The following ENTHD1 variants were observed in gnomAD, a reference collection of about 807,000 sequenced individuals.
ENTHD1 encodes ENTH domain-containing protein 1.
Under a neutral mutation model 39.1 loss-of-function variants are expected in ENTHD1, and 23 were observed. That is an observed-to-expected ratio of 0.59 (90% CI 0.42 to 0.83). The LOEUF is 0.83. Ranked by LOEUF, ENTHD1 falls within the 40% of genes least tolerant of loss-of-function variation. The probability of loss-of-function intolerance (pLI) is 0.00; values close to 1 mark genes in which losing one functional copy is unlikely to be tolerated. For synonymous variants in ENTHD1, 230 were observed against 258.2 expected (o/e 0.89, Z 1.05); for missense variants, 624 against 705.4 (o/e 0.88, Z 1.31).
intron 2 of ENTHD1, among the ~76,000 whole-genome samples, chr22:39,876,843 G>T (rs2066294197): frequency 1.3e-5 from 2 of 152,090 alleles, no homozygotes; most frequent in South Asian, 2.1e-4. Flanking sequence ...TTTGCTAAAG[G>T]TATAAAAATA....
chr22:39,831,199 A>G (rs1422089274), intron 4 of ENTHD1, among the ~76,000 whole-genome samples: 1 of 152,308 alleles, frequency 6.6e-6, no homozygotes, highest in East Asian at 1.9e-4. Context: ...TGTGGCTTCT[A>G]AAAGTATTAG....
Position 39,862,002 on chromosome 22 carries a change from A to G in ENTHD1, c.355T>C (p.Tyr119His). 1 of 1,474,348 alleles carries G rather than the reference A, an allele frequency of 6.8e-7. No homozygotes were observed. The highest frequency in any genetic ancestry group is 1.5e-5 in the South Asian group (1 of 65,792). The allele number at this position is 1,474,348 out of a possible 1,614,324, so 91.3% of individuals were successfully genotyped here. Residue 119 changes from tyrosine to histidine, a missense_variant, in exon 3 of 7, where the codon TAT (tyrosine) becomes CAT (histidine). Tyr to His is a moderately conservative substitution (Grantham distance 83). Coordinates refer to ENST00000325157, the MANE Select transcript of ENTHD1 (RefSeq NM_152512.4). ...IDEAGKDQGY[Y>H]IREKSKQVIT... is the part of the protein sequence containing the mutation. Reference sequence around the variant, plus strand: ...ACTTGCTTAGATTTTTCCCGGATATAATAACCTGAAAAATACATTGACTCT... The same window carrying G: ...ACTTGCTTAGATTTTTCCCGGATATGATAACCTGAAAAATACATTGACTCT...
At chr22:39,803,471 A>C (rs1226760576) in intron 5 of ENTHD1, among the ~76,000 whole-genome samples, 1 of 151,978 alleles carries the variant, frequency 6.6e-6, no homozygotes, top group African/African-American at 2.4e-5. Context: ...TGTTTTGTTT[A>C]TTATCTATCT....
chr22:39,806,693 A>G (rs1007807362), intron 5 of ENTHD1, among the ~76,000 whole-genome samples: 14 of 152,160 alleles, frequency 9.2e-5, no homozygotes, highest in African/African-American at 2.9e-4. Context: ...ATAACAGGCA[A>G]GGACAACCCA....
intron 6 of ENTHD1, among the ~76,000 whole-genome samples, chr22:39,747,059 G>A (rs2065110997): frequency 6.6e-6 from 1 of 152,128 alleles, no homozygotes; most frequent in Non-Finnish European, 1.5e-5. Flanking sequence ...GTGCAGTCAT[G>A]ACTCACTGCA....
rs1354128827 is a variant in ENTHD1, at chr22:39,827,859, T to C, written c.712-6746A>G. 4.6e-5 allele frequency among the ~76,000 whole-genome samples: 7 copies of C among 152,328 alleles called. No homozygotes were observed. The East Asian group carries it at 9.6e-4, about 21-fold the overall frequency. On this transcript the variant is annotated intron_variant, in intron 4 of 6. Transcript: ENST00000325157. Reference sequence around the variant, plus strand: ...TGTACAAGGATTATTATTGCAACTTTGCTTTAACAGGCAAAAACATGAAAG... The same window carrying C: ...TGTACAAGGATTATTATTGCAACTTCGCTTTAACAGGCAAAAACATGAAAG...
chr22:39,872,675 T>G (rs1398215784), intron 2 of ENTHD1, among the ~76,000 whole-genome samples: 4 of 152,166 alleles, frequency 2.6e-5, no homozygotes, highest in Non-Finnish European at 1.5e-5. Flanking sequence ...AGCACATCCC[T>G]GAGTGTTGGA....
intron 3 of ENTHD1, among the ~76,000 whole-genome samples, chr22:39,849,725 TTA>T (rs1214961711): frequency 1.3e-5 from 2 of 152,302 alleles, no homozygotes; most frequent in Non-Finnish European, 2.9e-5. Context: ...TAACTTGATT[TTA>T]TGTTTTGATG....
At chr22:39,868,015 AG>A (rs2146736922) in intron 2 of ENTHD1, among the ~76,000 whole-genome samples, 1 of 152,242 alleles carries the variant, frequency 6.6e-6, no homozygotes, top group South Asian at 2.1e-4. Flanking sequence ...TCAGCTCCTC[AG>A]GTGTTAGGAA....
chr22:39,764,848 A>G (rs2065262076), intron 6 of ENTHD1, among the ~76,000 whole-genome samples: 1 of 151,890 alleles, frequency 6.6e-6, no homozygotes, highest in Admixed American at 6.6e-5. Flanking sequence ...GGGTGTGTGT[A>G]TACACCAATA....
chr22:39,856,852 CAAA>C (rs34627331), intron 3 of ENTHD1, among the ~76,000 whole-genome samples: 13 of 70,306 alleles, frequency 1.8e-4, no homozygotes, highest in Non-Finnish European at 2.2e-4. Context: ...GACCCTGTCT[CAAA>C]AAAAAAAAAA....
At chr22:39,824,902 G>A (rs939748121) in intron 4 of ENTHD1, among the ~76,000 whole-genome samples, 18 of 152,322 alleles carry the variant, frequency 1.2e-4, no homozygotes, top group African/African-American at 4.1e-4. Context: ...TCTAGGGCCT[G>A]TGCCTTTCCA....
intron 3 of ENTHD1, among the ~76,000 whole-genome samples, chr22:39,842,720 G>A (rs1257677149): frequency 1.3e-5 from 2 of 150,236 alleles, no homozygotes; most frequent in African/African-American, 4.9e-5. Flanking sequence ...TCTGACAAAG[G>A]GCTAATATCC....
At chr22:39,885,446 T>C (rs114888280) in intron 2 of ENTHD1, among the ~76,000 whole-genome samples, 185 of 152,194 alleles carry the variant, frequency 1.2e-3, no homozygotes, top group African/African-American at 4.4e-3. Context: ...ACTTAGCAGC[T>C]CCTCAAAAAG....
At chr22:39,877,772 C>T (rs1158052617) in intron 2 of ENTHD1, among the ~76,000 whole-genome samples, 2 of 152,106 alleles carry the variant, frequency 1.3e-5, no homozygotes, top group African/African-American at 4.8e-5. Context: ...GCTAGTTAAC[C>T]AAAGCCTAAC....
At chr22:39,868,751 T>C (rs908144333) in intron 2 of ENTHD1, among the ~76,000 whole-genome samples, 5 of 152,156 alleles carry the variant, frequency 3.3e-5, no homozygotes, top group Non-Finnish European at 5.9e-5. Flanking sequence ...ATTCAGAATC[T>C]ATAAGGAACT....
chr22:39,756,472 T>C (rs1258697202), intron 6 of ENTHD1, among the ~76,000 whole-genome samples: 1 of 151,968 alleles, frequency 6.6e-6, no homozygotes, highest in Non-Finnish European at 1.5e-5. Flanking sequence ...GTAGCTGGGA[T>C]TACAGGCATG....
chr22:39,838,316 C>T (rs375625855), intron 3 of ENTHD1, among the ~76,000 whole-genome samples: 7 of 152,058 alleles, frequency 4.6e-5, no homozygotes, highest in Non-Finnish European at 7.4e-5. Context: ...GTTTCTAATT[C>T]TTTGCTTTTA....
At chr22:39,791,622 C>T (rs548908391) in intron 5 of ENTHD1, among the ~76,000 whole-genome samples, 4 of 152,064 alleles carry the variant, frequency 2.6e-5, no homozygotes, top group South Asian at 4.2e-4. Context: ...GTTCTTGAAC[C>T]CCTGAGCTCA....
Sources: allele counts gnomAD v4.1 joint callset (sites outside exome capture counted in the v4.1 genomes callset), GRCh38; gene constraint gnomAD v4.1.1; transcripts MANE v1.5; gene names NCBI Gene and HGNC (gene_info 2026-07-23, HGNC 2026-07-21).